AP3B1: variants seen among roughly 807,000 people sequenced by gnomAD.
AP3B1 encodes the protein adaptor related protein complex 3 subunit beta 1, also known as AP-3 complex subunit beta-1.
AP3B1 carries 61 observed loss-of-function variants against 132.5 expected under a neutral mutation model. The ratio of observed to expected loss-of-function variants is 0.46; its 90% CI spans 0.37 to 0.57. The LOEUF (loss-of-function observed/expected upper bound fraction) is 0.57. AP3B1 is among the 20% of genes least tolerant of loss of function. The pLI, the probability that AP3B1 is intolerant of heterozygous loss-of-function variation, is 0.00. For synonymous variants in AP3B1, 388 were observed against 438.3 expected (o/e 0.89, Z 1.43); for missense variants, 1,120 against 1,289.4 (o/e 0.87, Z 2.01).
intron 22 of AP3B1, among the ~76,000 whole-genome samples, chr5:78,057,602 G>A (rs2112136900): frequency 6.6e-6 from 1 of 152,206 alleles, no homozygotes; most frequent in Non-Finnish European, 1.5e-5. Context: ...TAAACACACT[G>A]TATTTTAATC....
At chr5:78,286,554 A>G (rs541093965) in intron 1 of AP3B1, among the ~76,000 whole-genome samples, 2 of 152,328 alleles carry the variant, frequency 1.3e-5, no homozygotes, top group South Asian at 2.1e-4. Context: ...CTGTGACTCA[A>G]TCTTGGACTT....
At chr5:78,203,907 C>T (rs967766049) in intron 7 of AP3B1, among the ~76,000 whole-genome samples, 4 of 152,132 alleles carry the variant, frequency 2.6e-5, no homozygotes, top group Non-Finnish European at 2.9e-5. Flanking sequence ...AGTTATTATA[C>T]GTTTTCCCTC....
intron 24 of AP3B1, 126 bp downstream of exon 24, chr5:78,034,235 T>A (rs984713222): frequency 1.2e-5 from 9 of 773,526 alleles, no homozygotes; most frequent in Admixed American, 2.0e-5. Context: ...CTAAACATTA[T>A]CAAAGCAAAA....
At chr5:78,013,017 T>C (rs931629804) in intron 26 of AP3B1, among the ~76,000 whole-genome samples, 1 of 152,162 alleles carries the variant, frequency 6.6e-6, no homozygotes, top group Non-Finnish European at 1.5e-5. Flanking sequence ...TTTCATTTTA[T>C]GTGGCTTTGT....
At chr5:78,021,520 A>T (rs1325925926) in intron 24 of AP3B1, among the ~76,000 whole-genome samples, 1 of 152,172 alleles carries the variant, frequency 6.6e-6, no homozygotes, top group African/African-American at 2.4e-5. Flanking sequence ...AAAATTTTTT[A>T]AAGTTAGATG....
intron 26 of AP3B1, among the ~76,000 whole-genome samples, chr5:78,013,281 G>C (rs1261282801): frequency 1.3e-5 from 2 of 152,048 alleles, no homozygotes; most frequent in African/African-American, 4.8e-5. Context: ...CTGGGCTCAA[G>C]AGATCTACCC....
intron 2 of AP3B1, among the ~76,000 whole-genome samples, chr5:78,260,066 T>C (rs1487342153): frequency 2.6e-5 from 4 of 152,122 alleles, no homozygotes; most frequent in Non-Finnish European, 4.4e-5. Flanking sequence ...TCACATCACA[T>C]TTCTGCTCTG....
intron 21 of AP3B1, among the ~76,000 whole-genome samples, chr5:78,091,000 T>C (rs1206138989): frequency 2.6e-5 from 4 of 151,716 alleles, no homozygotes; most frequent in Non-Finnish European, 4.4e-5. Flanking sequence ...TTGTCCAGGC[T>C]GGTCGCTAAC....
At chr5:78,081,535 G>C (rs1486779831) in intron 22 of AP3B1, among the ~76,000 whole-genome samples, 2 of 151,910 alleles carry the variant, frequency 1.3e-5, no homozygotes, top group Non-Finnish European at 1.5e-5. Flanking sequence ...CTGACCTCGT[G>C]ATCCGCCCGC....
intron 22 of AP3B1, among the ~76,000 whole-genome samples, chr5:78,072,007 A>G (rs1749561892): frequency 6.6e-6 from 1 of 152,232 alleles, no homozygotes; most frequent in Admixed American, 6.5e-5. Context: ...ATATTCTATG[A>G]AGCATGAATG....
rs1364770355 is a variant in AP3B1 at position 78,097,089 on chromosome 5, C to T, written c.2470+3864G>A. 2.3e-4 allele frequency among the ~76,000 whole-genome samples: 28 copies of T among 120,154 alleles called. 1 individual carries two copies. Among genetic ancestry groups the T allele is most frequent in the Middle Eastern group, 4.4e-3 (1 of 226 alleles). The allele number at this position is 120,154 out of a possible 152,430, so 78.8% of individuals were successfully genotyped here. On this transcript the variant is annotated intron_variant, in intron 21 of 26. Coordinates refer to ENST00000255194, the MANE Select transcript of AP3B1 (RefSeq NM_003664.5). Reference sequence around the variant, plus strand: ...GGGGTCAGCCCCCCGCCCGGCCAGCCGCCCCGTCCGGGAGGGAGGTAGGGG... The same window carrying T: ...GGGGTCAGCCCCCCGCCCGGCCAGCTGCCCCGTCCGGGAGGGAGGTAGGGG...
intron 1 of AP3B1, among the ~76,000 whole-genome samples, chr5:78,279,907 A>AATATATATATATATATATATAT (rs55881507): frequency 5.2e-5 from 6 of 114,356 alleles, no homozygotes; most frequent in African/African-American, 1.9e-4. Flanking sequence ...ATATGACTTA[A>AATATATATATATATATATATAT]ATATATATAT....
At chr5:78,151,514 T>C (rs1429305694) in intron 14 of AP3B1, among the ~76,000 whole-genome samples, 1 of 152,152 alleles carries the variant, frequency 6.6e-6, no homozygotes, top group Admixed American at 6.5e-5. Context: ...GCTTTTATTA[T>C]ATTGAGGTAT....
At chr5:78,133,550 C>A (rs140815120) in intron 15 of AP3B1, among the ~76,000 whole-genome samples, 177 of 152,256 alleles carry the variant, frequency 1.2e-3, no homozygotes, top group African/African-American at 3.9e-3. Context: ...AGACAACAGG[C>A]ATAAATTAGA....
At chr5:78,178,192 A>G (rs751374676) in intron 8 of AP3B1, among the ~76,000 whole-genome samples, 1 of 152,228 alleles carries the variant, frequency 6.6e-6, no homozygotes, top group Non-Finnish European at 1.5e-5. Flanking sequence ...GCTGAAATAA[A>G]GAAAACTCAG....
At chr5:78,203,724 G>A (rs1028854572) in intron 7 of AP3B1, among the ~76,000 whole-genome samples, 1 of 151,872 alleles carries the variant, frequency 6.6e-6, no homozygotes, top group Non-Finnish European at 1.5e-5. Flanking sequence ...TATGTGTGTT[G>A]GTGCACTTGA....
At chr5:78,083,602 C>CA (rs1412293928) in intron 22 of AP3B1, among the ~76,000 whole-genome samples, 1 of 152,156 alleles carries the variant, frequency 6.6e-6, no homozygotes, top group African/African-American at 2.4e-5. Context: ...TTTGTTCACT[C>CA]AGATACTACA....
chr5:78,061,674 C>T (rs553647686), intron 22 of AP3B1, among the ~76,000 whole-genome samples: 4 of 152,214 alleles, frequency 2.6e-5, no homozygotes, highest in African/African-American at 7.2e-5. Flanking sequence ...ACTGTCAGCG[C>T]GCAAGGCTGG....
At chr5:78,127,938 TCAACTCTCCAAAAAAGCTTTTATATAAAA>T (rs1474206102) in intron 17 of AP3B1, 63 bp downstream of exon 17, 1 of 1,474,952 alleles carries the variant, frequency 6.8e-7, no homozygotes, top group Non-Finnish European at 9.4e-7. Context: ...TTTTCAATTT[TCAACTCTCCAAAAAAGCTTTTATATAAAA>T]CAATAGCTAT....
Sources: allele counts gnomAD v4.1 joint callset (sites outside exome capture counted in the v4.1 genomes callset), GRCh38; gene constraint gnomAD v4.1.1; transcripts MANE v1.5; gene names NCBI Gene and HGNC (gene_info 2026-07-23, HGNC 2026-07-21).